SYNPR: variants seen among roughly 807,000 people sequenced by gnomAD.
The protein encoded by SYNPR is synaptoporin.
A neutral mutation model predicts 32.9 loss-of-function variants in SYNPR; 23 were observed. The ratio of observed to expected loss-of-function variants is 0.70; its 90% CI spans 0.50 to 0.99. The LOEUF (loss-of-function observed/expected upper bound fraction) is 0.99. Ranked by LOEUF, SYNPR falls within the 50% of genes least tolerant of loss-of-function variation. SYNPR has a pLI of 0.00. For synonymous variants in SYNPR, 146 were observed against 135.9 expected (o/e 1.07, Z -0.52); for missense variants, 318 against 349.3 (o/e 0.91, Z 0.71).
intron 2 of SYNPR, among the ~76,000 whole-genome samples, chr3:63,309,426 G>C (rs573267294): frequency 6.6e-6 from 1 of 152,076 alleles, no homozygotes; most frequent in South Asian, 2.1e-4. Flanking sequence ...TACCTTGCTT[G>C]ATTCTGGATG....
intron 2 of SYNPR, among the ~76,000 whole-genome samples, chr3:63,341,175 A>G (rs1466714606): frequency 3.9e-5 from 6 of 152,204 alleles, no homozygotes; most frequent in Admixed American, 3.9e-4. Flanking sequence ...TCATTTGGCA[A>G]TATGCGCTTA....
chr3:63,489,229 C>T (rs891256826), intron 3 of SYNPR, among the ~76,000 whole-genome samples: 4 of 152,082 alleles, frequency 2.6e-5, no homozygotes, highest in South Asian at 2.1e-4. Flanking sequence ...AAACTGTGGG[C>T]GACATGCTCC....
intron 4 of SYNPR, among the ~76,000 whole-genome samples, chr3:63,584,054 T>C (rs1278207751): frequency 1.3e-5 from 2 of 152,002 alleles, no homozygotes; most frequent in Non-Finnish European, 2.9e-5. Flanking sequence ...GCTGGAATAT[T>C]TGCGGGTGTG....
Position 63,502,988 on chromosome 3 carries a change from C to T in SYNPR, c.209+22032C>T, listed in dbSNP as rs76487067. 8.3e-3 allele frequency among the ~76,000 whole-genome samples: 1,258 copies of T among 152,180 alleles called. 58 individuals are homozygous for T. In the East Asian group the frequency reaches 0.13, roughly 16 times the overall value. On this transcript the variant is annotated intron_variant, in intron 3 of 5. Coordinates refer to ENST00000478300, the MANE Select transcript of SYNPR (RefSeq NM_001130003.2). ...AGGTTTTAATTCCTTTGGGTAGATACTAAGGAATGGAATTACTGGGTCACA... is the reference window on the plus strand; with the variant it reads ...AGGTTTTAATTCCTTTGGGTAGATATTAAGGAATGGAATTACTGGGTCACA...
chr3:63,427,527 C>T (rs1213572697), intron 2 of SYNPR: 1 of 152,272 alleles, frequency 6.6e-6, no homozygotes, highest in East Asian at 1.9e-4. Context: ...CATGGAACCA[C>T]TGCTCAGAAA....
At chr3:63,219,010 A>G in the SYNPR span, among the ~76,000 whole-genome samples, 1 of 152,230 alleles carries the variant, frequency 6.6e-6, no homozygotes, top group African/African-American at 2.4e-5. Context: ...CTTAGAGTCT[A>G]GTGAGAGAGA....
At chr3:63,293,193 C>T (rs1336369396) in intron 2 of SYNPR, among the ~76,000 whole-genome samples, 4 of 152,188 alleles carry the variant, frequency 2.6e-5, no homozygotes, top group African/African-American at 9.7e-5. Flanking sequence ...TATAAGGTCA[C>T]TTGCCTCAAG....
chr3:63,286,815 A>C (rs1206068496), intron 2 of SYNPR, among the ~76,000 whole-genome samples: 10 of 152,224 alleles, frequency 6.6e-5, no homozygotes, highest in Admixed American at 6.5e-4. Flanking sequence ...ATAGTGTTGA[A>C]AATTTTAAGT....
chr3:63,376,301 G>A (rs2087894973), intron 2 of SYNPR, among the ~76,000 whole-genome samples: 1 of 152,116 alleles, frequency 6.6e-6, no homozygotes, highest in Non-Finnish European at 1.5e-5. Flanking sequence ...GTTATAACTT[G>A]TATTAGTTAT....
intron 3 of SYNPR, among the ~76,000 whole-genome samples, chr3:63,271,518 G>C (rs2086535437): frequency 6.6e-6 from 1 of 152,112 alleles, no homozygotes; most frequent in Non-Finnish European, 1.5e-5. Flanking sequence ...ATATAATAAA[G>C]TGAATGCATG....
the SYNPR span, among the ~76,000 whole-genome samples, chr3:63,218,265 G>C: frequency 1.3e-5 from 2 of 152,182 alleles, no homozygotes; most frequent in Non-Finnish European, 2.9e-5. Flanking sequence ...CCTGTTCACT[G>C]GCAGTCAATA....
At chr3:63,263,924 G>A (rs898067502) in intron 2 of SYNPR, among the ~76,000 whole-genome samples, 9 of 152,118 alleles carry the variant, frequency 5.9e-5, no homozygotes, top group Non-Finnish European at 1.2e-4. Context: ...CAATTTTGGG[G>A]CCGTGTTTCA....
chr3:63,391,595 T>C (rs2088137825), intron 2 of SYNPR, among the ~76,000 whole-genome samples: 1 of 152,306 alleles, frequency 6.6e-6, no homozygotes, highest in Non-Finnish European at 1.5e-5. Flanking sequence ...ATTGACCCAA[T>C]TGTCATAGGT....
At chr3:63,504,705 T>C (rs1203430062) in intron 3 of SYNPR, among the ~76,000 whole-genome samples, 2 of 152,132 alleles carry the variant, frequency 1.3e-5, no homozygotes, top group Non-Finnish European at 2.9e-5. Flanking sequence ...AAAAAGGCAG[T>C]TTTTAATTAG....
intron 3 of SYNPR, among the ~76,000 whole-genome samples, chr3:63,484,217 A>C (rs1464415341): frequency 6.6e-6 from 1 of 152,178 alleles, no homozygotes; most frequent in Non-Finnish European, 1.5e-5. Flanking sequence ...ATTGTTATAG[A>C]AATAAACCAT....
intron 2 of SYNPR, among the ~76,000 whole-genome samples, chr3:63,292,503 A>G (rs182526109): frequency 5.9e-5 from 9 of 152,306 alleles, no homozygotes; most frequent in Admixed American, 3.9e-4. Flanking sequence ...CTTGGATTTG[A>G]CTGTCAGCTC....
chr3:63,402,052 A>G (rs2076878), intron 2 of SYNPR, among the ~76,000 whole-genome samples: 115,499 of 152,060 alleles, frequency 0.76, 45,155 homozygotes, highest in East Asian at 1. Flanking sequence ...CCTTAATTTC[A>G]TATACTCAAG....
At chr3:63,575,713 G>C (rs1381740008) in intron 4 of SYNPR, among the ~76,000 whole-genome samples, 2 of 152,174 alleles carry the variant, frequency 1.3e-5, no homozygotes, top group Admixed American at 1.3e-4. Flanking sequence ...TCAGTGGATA[G>C]AAAGAGTTGC....
intron 2 of SYNPR, among the ~76,000 whole-genome samples, chr3:63,322,040 G>T (rs1256220944): frequency 6.6e-6 from 1 of 151,962 alleles, no homozygotes; most frequent in Non-Finnish European, 1.5e-5. Flanking sequence ...GCCCAATTAG[G>T]TCTATTGCAA....
Sources: allele counts gnomAD v4.1 joint callset (sites outside exome capture counted in the v4.1 genomes callset), GRCh38; gene constraint gnomAD v4.1.1; transcripts MANE v1.5; gene names NCBI Gene and HGNC (gene_info 2026-07-23, HGNC 2026-07-21).